Variants in FAM117A observed in about 807,000 individuals in gnomAD.
The protein encoded by FAM117A is family with sequence similarity 117 member A.
Under a neutral mutation model 44.1 loss-of-function variants are expected in FAM117A, and 21 were observed. That is an observed-to-expected ratio of 0.48 (90% CI 0.34 to 0.69). The LOEUF is 0.69. FAM117A is among the 30% of genes least tolerant of loss of function. FAM117A has a pLI of 0.01. For missense variants in FAM117A, 498 were observed against 589.9 expected, an observed-to-expected ratio of 0.84 and a Z score of 1.61; for synonymous variants, 220 against 238.3, an observed-to-expected ratio of 0.92 and a Z score of 0.71.
At chr17:49,732,469 C>A (rs1258228258) in intron 2 of FAM117A, 82 bp downstream of exon 2, 16 of 1,312,652 alleles carry the variant, frequency 1.2e-5, no homozygotes, top group Non-Finnish European at 1.7e-5. Flanking sequence ...ATCGCAATGA[C>A]TTGAGGAAGA....
At chr17:49,722,370 C>T in intron 3 of FAM117A, 129 bp downstream of exon 3, 1 of 739,544 alleles carries the variant, frequency 1.4e-6, no homozygotes, top group Non-Finnish European at 2.2e-6. Context: ...GCCATCTCAT[C>T]AGGAAAAGGC....
At position 49,723,388 on chromosome 17, in the gene FAM117A, G is replaced by C. The variant is rs559185834; in HGVS notation, c.367-794C>G. Among the ~76,000 whole-genome samples, 24 of 152,234 alleles carry C rather than the reference G, an allele frequency of 1.6e-4. No individual in the cohort carries two copies. The South Asian group carries it at 5.0e-3, about 32-fold the overall frequency. ...ACAGAGTGTCCAAGATGGAGGCAGG[G>C]AGAGCTGCAGGACTACTTCCTGAGC... On this transcript the variant is annotated intron_variant, in intron 2 of 7. Coordinates refer to ENST00000240364, the MANE Select transcript of FAM117A (RefSeq NM_030802.4).
intron 1 of FAM117A, among the ~76,000 whole-genome samples, chr17:49,753,895 T>C (rs2073687065): frequency 6.6e-6 from 1 of 152,226 alleles, no homozygotes; most frequent in Admixed American, 6.5e-5. Flanking sequence ...AGAGACTCTT[T>C]CTTTCTACAG....
intron 1 of FAM117A, among the ~76,000 whole-genome samples, chr17:49,749,359 A>G (rs894790459): frequency 2.6e-5 from 4 of 151,932 alleles, no homozygotes; most frequent in Middle Eastern, 6.3e-3. Flanking sequence ...GGCGGATCAC[A>G]AGGTCAGGAG....
At chr17:49,754,186 C>G (rs891801530) in intron 1 of FAM117A, among the ~76,000 whole-genome samples, 6 of 143,986 alleles carry the variant, frequency 4.2e-5, no homozygotes, top group Non-Finnish European at 6.1e-5. Flanking sequence ...AATCCCCAAA[C>G]AGGGGCTGTG....
intron 1 of FAM117A, among the ~76,000 whole-genome samples, chr17:49,753,942 C>G (rs188551094): frequency 5.3e-5 from 8 of 152,314 alleles, no homozygotes; most frequent in Admixed American, 1.3e-4. Context: ...GAACACGGAA[C>G]TACTCCAGAT....
intron 7 of FAM117A, 51 bp from the exon 8 acceptor site, chr17:49,711,606 A>C: frequency 6.5e-7 from 1 of 1,549,396 alleles, no homozygotes; most frequent in Non-Finnish European, 8.9e-7. Flanking sequence ...ACAGAGAGAA[A>C]CAGACAGCGA....
chr17:49,720,301 G>GA (rs1230566888), intron 4 of FAM117A, 25 bp downstream of exon 4: 1 of 1,580,304 alleles, frequency 6.3e-7, no homozygotes, highest in African/African-American at 1.3e-5. Flanking sequence ...GAACAGAGGG[G>GA]AGAGGGCTGG....
At chr17:49,712,577 C>T (rs976589275) in intron 7 of FAM117A, among the ~76,000 whole-genome samples, 1 of 152,116 alleles carries the variant, frequency 6.6e-6, no homozygotes, top group African/African-American at 2.4e-5. Context: ...GTGGCAGGAT[C>T]ATGGCTTACT....
intron 2 of FAM117A, among the ~76,000 whole-genome samples, chr17:49,723,093 A>G (rs1225148667): frequency 1.3e-5 from 2 of 152,200 alleles, no homozygotes; most frequent in African/African-American, 4.8e-5. Flanking sequence ...AAATGTCAAC[A>G]TAGGTCCCCT....
intron 1 of FAM117A, 111 bp from the exon 2 acceptor site, chr17:49,732,831 T>A (rs1241363151): frequency 8.9e-7 from 1 of 1,123,174 alleles, no homozygotes; most frequent in Non-Finnish European, 1.3e-6. Context: ...TTCACTCATA[T>A]CCACCACTGT....
At chr17:49,788,736 G>C (rs2073840031), upstream of FAM117A, 1 of 1,344,570 alleles carries the variant, frequency 7.4e-7, no homozygotes, top group Non-Finnish European at 1.0e-6. Context: ...CCGCAGGATT[G>C]GGACTGATAC....
At chr17:49,734,969 G>C (rs2073604076) in intron 1 of FAM117A, among the ~76,000 whole-genome samples, 2 of 152,080 alleles carry the variant, frequency 1.3e-5, no homozygotes, top group Admixed American at 1.3e-4. Flanking sequence ...AATTCATAGG[G>C]ACAAAAAAAT....
In FAM117A at chr17:49,712,958, C is replaced by A. The variant is rs115817712; in HGVS notation, c.1062-1403G>T. Among the ~76,000 whole-genome samples the A allele has an allele frequency of 1.6e-3, 239 of 152,306 alleles. 1 individual carries two copies. Among genetic ancestry groups the A allele is most frequent in the African/African-American group, 5.3e-3 (219 of 41,566 alleles). ...GTGGTGTGATCATAGCTCACTGCAG[C>A]CTCAAACTCCTAGGTGCAAGTAATC... On this transcript the variant is annotated intron_variant, in intron 7 of 7. Coordinates refer to ENST00000240364, the MANE Select transcript of FAM117A (RefSeq NM_030802.4).
intron 1 of FAM117A, among the ~76,000 whole-genome samples, chr17:49,753,080 C>A (rs2073683797): frequency 6.6e-6 from 1 of 152,130 alleles, no homozygotes; most frequent in Non-Finnish European, 1.5e-5. Flanking sequence ...CCAGGCTAGT[C>A]TCAAACTCCT....
At chr17:49,749,990 G>A (rs762055562) in intron 1 of FAM117A, among the ~76,000 whole-genome samples, 5 of 148,810 alleles carry the variant, frequency 3.4e-5, no homozygotes, top group Non-Finnish European at 7.6e-5. Context: ...GGGAGAGTAA[G>A]ATATGTTATC....
rs990493025 is a variant in FAM117A at position 49,777,997 on chromosome 17, G to A, written c.-621+10500C>T. Among the ~76,000 whole-genome samples the A allele has an allele frequency of 1.1e-4, 16 of 152,186 alleles. 1 individual carries two copies. The highest frequency in any genetic ancestry group is 7.2e-4 in the Admixed American group (11 of 15,268). ...AGCTTAGAATTTGGTCCTTCCTGGCGGGAAGAAGATGCACTTTGTGGGAGC... is the reference window on the plus strand; with the variant it reads ...AGCTTAGAATTTGGTCCTTCCTGGCAGGAAGAAGATGCACTTTGTGGGAGC... On this transcript the variant is annotated intron_variant, in intron 1 of 7. Coordinates refer to the FAM117A transcript ENST00000513602.
intron 1 of FAM117A, 74 bp downstream of exon 1, chr17:49,763,818 T>TGCC: frequency 5.3e-6 from 1 of 190,372 alleles, no homozygotes; most frequent in Non-Finnish European, 7.5e-6. Context: ...CTTCTCCCCG[T>TGCC]CCCCCTCCCG....
At chr17:49,732,028 C>T (rs1017009869) in intron 2 of FAM117A, among the ~76,000 whole-genome samples, 3 of 152,128 alleles carry the variant, frequency 2.0e-5, no homozygotes, top group Admixed American at 6.5e-5. Context: ...TCAGGTGATC[C>T]GCCTGCCTAG....
Sources: allele counts gnomAD v4.1 joint callset (sites outside exome capture counted in the v4.1 genomes callset), GRCh38; gene constraint gnomAD v4.1.1; transcripts MANE v1.5; gene names NCBI Gene and HGNC (gene_info 2026-07-23, HGNC 2026-07-21).